PDE4D: variants seen among roughly 807,000 people sequenced by gnomAD.
PDE4D encodes phosphodiesterase 4D, also known as 3',5'-cyclic-AMP phosphodiesterase 4D.
PDE4D carries 24 observed loss-of-function variants against 87.4 expected under a neutral mutation model. That is an observed-to-expected ratio of 0.27 (90% confidence interval 0.20 to 0.39). The LOEUF (loss-of-function observed/expected upper bound fraction) is 0.39. Ranked by LOEUF, PDE4D falls within the 10% of genes least tolerant of loss-of-function variation. The pLI is 1.00. For synonymous variants in PDE4D, 384 were observed against 383.2 expected (o/e 1.00, Z -0.02); for missense variants, 714 against 1,041.0 (o/e 0.69, Z 4.32).
chr5:59,526,561 A>G lies in PDE4D; in HGVS notation c.456-310593T>C, dbSNP rs575407116. On this transcript the variant is annotated intron_variant, in intron 1 of 14. Coordinates refer to ENST00000340635, the MANE Select transcript of PDE4D (RefSeq NM_001104631.2). The stretch of plus-strand genomic sequence containing the variant: ...AGGAGGTTGACATGTCTTGTTACCT[A>G]AAACCACTGAAAATTTGAATGTTGA... Among the ~76,000 whole-genome samples, 22 of 152,354 alleles carry G rather than the reference A, an allele frequency of 1.4e-4. 1 individual carries two copies. The South Asian group carries it at 4.1e-3, about 29-fold the overall frequency.
At chr5:59,391,934 A>G (rs1788316814) in intron 1 of PDE4D, among the ~76,000 whole-genome samples, 1 of 148,344 alleles carries the variant, frequency 6.7e-6, no homozygotes, top group Admixed American at 6.8e-5. Context: ...ATATAGATAT[A>G]TAAATAAATA....
At chr5:60,506,022 C>T (rs1750305696) in intron 1 of PDE4D, among the ~76,000 whole-genome samples, 1 of 152,222 alleles carries the variant, frequency 6.6e-6, no homozygotes, top group Admixed American at 6.5e-5. Context: ...AGATGCCAGC[C>T]TGTTGGTACC....
intron 3 of PDE4D, among the ~76,000 whole-genome samples, chr5:59,944,705 T>A (rs1252181487): frequency 6.6e-6 from 1 of 152,144 alleles, no homozygotes; most frequent in Non-Finnish European, 1.5e-5. Context: ...CCCAGTGCAA[T>A]TCACCCTTTA....
chr5:60,013,074 C>T (rs1765169168), intron 2 of PDE4D, among the ~76,000 whole-genome samples: 2 of 152,174 alleles, frequency 1.3e-5, no homozygotes, highest in Non-Finnish European at 2.9e-5. Flanking sequence ...TTTCTGCTCT[C>T]TGACTCCATA....
chr5:59,243,536 T>G (rs1026581065), intron 1 of PDE4D, among the ~76,000 whole-genome samples: 1 of 134,116 alleles, frequency 7.5e-6, no homozygotes, highest in Admixed American at 8.8e-5. Context: ...CTTGGCTCAC[T>G]GCAACCTCTG....
At chr5:59,336,834 G>A (rs10472105) in intron 1 of PDE4D, among the ~76,000 whole-genome samples, 21,098 of 151,976 alleles carry the variant, frequency 0.14, 1,897 homozygotes, top group East Asian at 0.32. Context: ...TGATGACTTG[G>A]GTCTCCTGCC....
Position 58,973,566 on chromosome 5 carries a change from T to TA in PDE4D, c.*1097dup, listed in dbSNP as rs1411154387. 6.6e-6 allele frequency: 1 copy of TA among 152,622 alleles called. No individual in the cohort carries two copies. Among genetic ancestry groups the TA allele is most frequent in the Non-Finnish European group, 1.5e-5 (1 of 68,036 alleles). 9.5% of individuals were successfully genotyped at this position (152,622 alleles called of 1,614,324 possible). ...AGGAGATACTAAGTAGGAAAACATCTAAAAAAGACTGACCATTTTAGCTAC... is the reference window on the plus strand; with the variant it reads ...AGGAGATACTAAGTAGGAAAACATCTAAAAAAAGACTGACCATTTTAGCTAC... On this transcript the variant is annotated 3_prime_UTR_variant, in exon 15 of 15. Transcript: ENST00000340635.
intron 1 of PDE4D, among the ~76,000 whole-genome samples, chr5:60,274,119 G>C (rs1413117219): frequency 1.3e-5 from 2 of 152,136 alleles, no homozygotes; most frequent in East Asian, 3.9e-4. Flanking sequence ...TTTTAGCTGA[G>C]TATGAAGAGG....
At chr5:60,372,831 T>C (rs1056501502) in intron 1 of PDE4D, 1 of 152,228 alleles carries the variant, frequency 6.6e-6, no homozygotes, top group Non-Finnish European at 1.5e-5. Context: ...AAATCCCTGG[T>C]TCAATGCCTG....
intron 1 of PDE4D, among the ~76,000 whole-genome samples, chr5:59,793,684 C>A (rs1766087464): frequency 2.0e-5 from 3 of 152,154 alleles, no homozygotes; most frequent in Admixed American, 1.3e-4. Context: ...CAAAGGAAAG[C>A]TCTAGTAAAA....
intron 1 of PDE4D, among the ~76,000 whole-genome samples, chr5:60,514,109 G>A (rs1750692607): frequency 6.6e-6 from 1 of 151,724 alleles, no homozygotes; most frequent in Non-Finnish European, 1.5e-5. Context: ...ACTGATAAAG[G>A]AGGAAATAAC....
chr5:59,286,233 T>C (rs563228210), intron 1 of PDE4D, among the ~76,000 whole-genome samples: 59 of 152,194 alleles, frequency 3.9e-4, no homozygotes, highest in Non-Finnish European at 4.6e-4. Context: ...TTGCTCACCA[T>C]GTGCCAGGCA....
intron 1 of PDE4D, among the ~76,000 whole-genome samples, chr5:59,517,454 G>C (rs1811373887): frequency 6.6e-6 from 1 of 152,152 alleles, no homozygotes; most frequent in Non-Finnish European, 1.5e-5. Context: ...TTAGACTCTA[G>C]GATTCGTTTG....
intron 2 of PDE4D, among the ~76,000 whole-genome samples, chr5:60,002,948 A>G (rs563217579): frequency 3.8e-4 from 58 of 152,336 alleles, no homozygotes; most frequent in African/African-American, 1.3e-3. Flanking sequence ...AGAAAAAGAA[A>G]TAAAAGGCAT....
At chr5:59,534,297 TA>T (rs1329346098) in intron 1 of PDE4D, among the ~76,000 whole-genome samples, 3 of 152,182 alleles carry the variant, frequency 2.0e-5, no homozygotes, top group Non-Finnish European at 4.4e-5. Flanking sequence ...TCCAGAGTCT[TA>T]AAAATATGGG....
chr5:60,132,739 T>C (rs998396691), intron 2 of PDE4D, among the ~76,000 whole-genome samples: 2 of 152,038 alleles, frequency 1.3e-5, no homozygotes, highest in African/African-American at 4.8e-5. Context: ...ATTTAAAATA[T>C]TACTCAAGTA....
chr5:60,238,452 T>C (rs1222801704), intron 1 of PDE4D, among the ~76,000 whole-genome samples: 1 of 152,064 alleles, frequency 6.6e-6, no homozygotes, highest in African/African-American at 2.4e-5. Flanking sequence ...TCCTTCAAGA[T>C]ATGCAAATGT....
intron 6 of PDE4D, among the ~76,000 whole-genome samples, chr5:59,026,638 C>A (rs1756306305): frequency 6.6e-6 from 1 of 151,886 alleles, no homozygotes; most frequent in Non-Finnish European, 1.5e-5. Flanking sequence ...AATAAAAGTT[C>A]TGTGGAAAGT....
At chr5:60,219,432 T>C (rs2149592388) in intron 1 of PDE4D, among the ~76,000 whole-genome samples, 1 of 152,314 alleles carries the variant, frequency 6.6e-6, no homozygotes, top group Middle Eastern at 3.4e-3. Context: ...AGGAATAATG[T>C]AGTTCATTTT....
Sources: gnomAD v4.1 joint callset for allele counts (sites outside exome capture counted in the v4.1 genomes callset) on GRCh38, gnomAD v4.1.1 for gene constraint, MANE v1.5 for transcripts, NCBI Gene and HGNC (gene_info 2026-07-23, HGNC 2026-07-21) for gene names.